ARID2: variants seen among roughly 807,000 people sequenced by gnomAD.
ARID2 encodes AT-rich interaction domain 2.
ARID2 carries 32 observed loss-of-function variants against 184.6 expected under a neutral mutation model. The observed-to-expected ratio is 0.17, with a 90% CI of 0.13 to 0.23. ARID2 has a LOEUF of 0.23. Ranked by LOEUF, ARID2 falls within the 10% of genes least tolerant of loss-of-function variation. ARID2 has a pLI of 1.00. For synonymous variants in ARID2, 836 were observed against 772.6 expected (o/e 1.08, Z -1.36); for missense variants, 1,696 against 2,197.6 (o/e 0.77, Z 4.56).
At chr12:45,803,905 AAGG>A (rs1942552678) in intron 3 of ARID2, among the ~76,000 whole-genome samples, 2 of 152,292 alleles carry the variant, frequency 1.3e-5, no homozygotes, top group Admixed American at 1.3e-4. Context: ...CGAATGAGTA[AAGG>A]TTCCACTTGT....
intron 16 of ARID2, among the ~76,000 whole-genome samples, chr12:45,867,766 A>G (rs1039726901): frequency 6.6e-6 from 1 of 151,186 alleles, no homozygotes. Context: ...AGAAAAAAAA[A>G]CTTCTGTACA....
intron 3 of ARID2, among the ~76,000 whole-genome samples, chr12:45,791,458 T>G (rs534036667): frequency 6.6e-6 from 1 of 152,190 alleles, no homozygotes; most frequent in East Asian, 1.9e-4. Context: ...GTATTTGATT[T>G]GGTAATATTT....
chr12:45,789,743 G>T (rs1006077751), intron 3 of ARID2: 2 of 152,088 alleles, frequency 1.3e-5, no homozygotes, highest in African/African-American at 2.4e-5. Context: ...AAGTTTTTCG[G>T]AAGTATCATG....
intron 3 of ARID2, among the ~76,000 whole-genome samples, chr12:45,751,353 G>C (rs544041457): frequency 6.6e-6 from 1 of 152,318 alleles, no homozygotes; most frequent in Admixed American, 6.5e-5. Context: ...TTAGTGACCA[G>C]ACCAGAGGAA....
intron 3 of ARID2, among the ~76,000 whole-genome samples, chr12:45,793,733 A>G (rs1004128577): frequency 6.6e-6 from 1 of 151,302 alleles, no homozygotes; most frequent in Non-Finnish European, 1.5e-5. Flanking sequence ...TATTCTACAT[A>G]TATATATATA....
intron 16 of ARID2, among the ~76,000 whole-genome samples, chr12:45,862,569 G>T (rs892896301): frequency 8.5e-5 from 13 of 152,090 alleles, no homozygotes; most frequent in African/African-American, 2.9e-4. Context: ...GAAGCTTGTC[G>T]CAGTGGTGCA....
chr12:45,837,701 A>G lies in ARID2; in HGVS notation c.1324A>G (p.Ser442Gly). ...ACTKIAKVEK[S>G]IDMLVCLVSM... ...CACAAAAATTGCAAAAGTAGAAAAG[A>G]GCATAGGTAAGACTGGACCAAAAAA... The change falls in exon 10 of 21, where the codon AGC (serine) becomes GGC (glycine). Residue 442 changes from serine to glycine, a missense_variant. Around this residue, in one of 11 missense-constraint regions of ARID2, gnomAD observed 86 missense variants for 200.8 expected, o/e 0.43. Coordinates refer to ENST00000334344, the MANE Select transcript of ARID2 (RefSeq NM_152641.4). 1.2e-6 allele frequency: 2 copies of G among 1,613,240 alleles called. No individual in the cohort carries two copies. The highest frequency in any genetic ancestry group is 8.5e-7 in the Non-Finnish European group (1 of 1,179,266).
chr12:45,747,053 G>A (rs1249212102), intron 3 of ARID2, among the ~76,000 whole-genome samples: 1 of 152,204 alleles, frequency 6.6e-6, no homozygotes, highest in Non-Finnish European at 1.5e-5. Flanking sequence ...ACAGGCGTGA[G>A]CCACCGTGCC....
chr12:45,820,886 A>G (rs2138098034), intron 5 of ARID2, among the ~76,000 whole-genome samples: 1 of 152,322 alleles, frequency 6.6e-6, no homozygotes, highest in Non-Finnish European at 1.5e-5. Flanking sequence ...AAAGTCATAA[A>G]GTTGTTGATA....
At chr12:45,894,482 T>A (rs1944342392) in intron 20 of ARID2, among the ~76,000 whole-genome samples, 1 of 152,238 alleles carries the variant, frequency 6.6e-6, no homozygotes, top group Non-Finnish European at 1.5e-5. Flanking sequence ...CTATTTTACC[T>A]TGTCTTACGT....
chr12:45,806,030 C>T (rs1942593767), intron 3 of ARID2, among the ~76,000 whole-genome samples: 1 of 152,034 alleles, frequency 6.6e-6, no homozygotes, highest in African/African-American at 2.4e-5. Context: ...AGCCATGTGG[C>T]TTTATTCTTT....
chr12:45,808,067 A>T (rs1182829279), intron 3 of ARID2, among the ~76,000 whole-genome samples: 1 of 152,220 alleles, frequency 6.6e-6, no homozygotes, highest in African/African-American at 2.4e-5. Context: ...TTGTTTGAAT[A>T]ATATGTTAAC....
chr12:45,754,365 A>G (rs73095479), intron 3 of ARID2, among the ~76,000 whole-genome samples: 4 of 152,334 alleles, frequency 2.6e-5, no homozygotes, highest in Non-Finnish European at 5.9e-5. Flanking sequence ...CATCTTTTGA[A>G]GACAGATACT....
chr12:45,823,562 G>A (rs927534319), intron 6 of ARID2, among the ~76,000 whole-genome samples: 3 of 151,810 alleles, frequency 2.0e-5, no homozygotes, highest in Non-Finnish European at 4.4e-5. Flanking sequence ...GAATAGCTAA[G>A]AAAAAAGAGA....
chr12:45,899,063 A>G (rs918545089), intron 20 of ARID2, among the ~76,000 whole-genome samples: 1 of 147,892 alleles, frequency 6.8e-6, no homozygotes, highest in African/African-American at 2.5e-5. Context: ...CACGAGGTCA[A>G]GATATTGAGA....
chr12:45,768,895 G>A (rs574660226), intron 3 of ARID2, among the ~76,000 whole-genome samples: 97 of 152,316 alleles, frequency 6.4e-4, no homozygotes, highest in Middle Eastern at 3.4e-3. Context: ...TGTGGTCAAA[G>A]AAAGAGGAAA....
intron 3 of ARID2, among the ~76,000 whole-genome samples, chr12:45,736,037 G>A (rs1303083023): frequency 1.3e-5 from 2 of 152,160 alleles, no homozygotes; most frequent in Non-Finnish European, 2.9e-5. Flanking sequence ...AGTTGATCGT[G>A]TGAAATCTAT....
chr12:45,872,070 T>C (rs1210112550), intron 16 of ARID2, among the ~76,000 whole-genome samples: 1 of 152,114 alleles, frequency 6.6e-6, no homozygotes, highest in African/African-American at 2.4e-5. Flanking sequence ...AAGAACCAGC[T>C]TTTGGTTTTG....
chr12:45,757,282 A>G (rs1427201163), intron 3 of ARID2, among the ~76,000 whole-genome samples: 1 of 152,206 alleles, frequency 6.6e-6, no homozygotes, highest in African/African-American at 2.4e-5. Flanking sequence ...CTTTTCTGCA[A>G]CACTTCTCAA....
Sources: allele counts gnomAD v4.1 joint callset (sites outside exome capture counted in the v4.1 genomes callset), GRCh38; gene constraint gnomAD v4.1.1; regional missense constraint gnomAD v4.1.1; transcripts MANE v1.5; gene names NCBI Gene and HGNC (gene_info 2026-07-23, HGNC 2026-07-21).